The following RNF149 variants were observed in gnomAD, a reference collection of about 807,000 sequenced individuals.
RNF149 encodes E3 ubiquitin-protein ligase RNF149.
A neutral mutation model predicts 39.0 loss-of-function variants in RNF149; 21 were observed. The observed-to-expected ratio is 0.54, with a 90% confidence interval of 0.38 to 0.77. The LOEUF (loss-of-function observed/expected upper bound fraction) is 0.77, where lower values mean the gene tolerates loss of function less well. Ranked by LOEUF, RNF149 falls within the 30% of genes least tolerant of loss-of-function variation. The pLI is 0.00. For missense variants in RNF149, 493 were observed against 534.9 expected (o/e 0.92, Z 0.77); for synonymous variants, 209 against 213.6 (o/e 0.98, Z 0.19).
At chr2:101,301,528 C>G (rs1307669275) in intron 1 of RNF149, among the ~76,000 whole-genome samples, 1 of 151,984 alleles carries the variant, frequency 6.6e-6, no homozygotes, top group Non-Finnish European at 1.5e-5. Context: ...CCATGTTGCC[C>G]AGGCTAGTCT....
At chr2:101,272,328 A>T (rs1178798964), downstream of RNF149, among the ~76,000 whole-genome samples, 7 of 152,204 alleles carry the variant, frequency 4.6e-5, no homozygotes, top group Admixed American at 2.0e-4. Context: ...TGTTTAAATA[A>T]ATGTAGTGCA....
At chr2:101,286,745 C>T (rs185205762) in intron 4 of RNF149, among the ~76,000 whole-genome samples, 5 of 152,208 alleles carry the variant, frequency 3.3e-5, no homozygotes, top group African/African-American at 1.2e-4. Context: ...AACTTTTCCT[C>T]CTGTGTGATA....
Position 101,308,663 on chromosome 2 carries a change from CG to C in RNF149, c.-76del. 2 of 1,308,678 alleles carry C rather than the reference CG, an allele frequency of 1.5e-6. No individual in the cohort carries two copies. Among genetic ancestry groups the C allele is most frequent in the Non-Finnish European group, 2.0e-6 (2 of 997,796 alleles). The allele number at this position is 1,308,678 out of a possible 1,614,324, so 81.1% of individuals were successfully genotyped here. ...GGTGCAGTCGAAGAGCAGAGAGAAG[CG>C]GACACCCACCGCCGCCCTGGAAGAC... On this transcript the variant is annotated 5_prime_UTR_variant, in exon 1 of 7. Coordinates refer to ENST00000295317, the MANE Select transcript of RNF149 (RefSeq NM_173647.4).
At chr2:101,273,284 G>T, downstream of RNF149, 1 of 493,768 alleles carries the variant, frequency 2.0e-6, no homozygotes, top group Non-Finnish European at 4.0e-6. Context: ...CCTTCTCCAT[G>T]CCACCCGCGG....
chr2:101,295,846 AAAC>A (rs1428352585), intron 1 of RNF149, among the ~76,000 whole-genome samples: 1 of 152,110 alleles, frequency 6.6e-6, no homozygotes, highest in Non-Finnish European at 1.5e-5. Flanking sequence ...CATTAGTAAT[AAAC>A]AACCAACAAA....
chr2:101,288,230 CTTTTTTTTTTTTT>C (rs554652378), intron 4 of RNF149, among the ~76,000 whole-genome samples: 1 of 60,560 alleles, frequency 1.7e-5, no homozygotes, highest in South Asian at 7.3e-4. Context: ...GAAAGAAAAA[CTTTTTTTTTTTTT>C]TTTTTTTTTT....
chr2:101,307,863 T>G, intron 1 of RNF149: 1 of 985,342 alleles, frequency 1.0e-6, no homozygotes, highest in Non-Finnish European at 1.2e-6. Flanking sequence ...CAAGCCTCCT[T>G]CTGTGGATTT....
intron 1 of RNF149, among the ~76,000 whole-genome samples, chr2:101,305,939 A>G (rs1683641498): frequency 6.6e-6 from 1 of 152,184 alleles, no homozygotes; most frequent in Non-Finnish European, 1.5e-5. Flanking sequence ...TGCAGACTGG[A>G]CACTTCACAC....
At chr2:101,281,744 G>A (rs533074424) in intron 6 of RNF149, 115 bp downstream of exon 6, 13 of 1,294,674 alleles carry the variant, frequency 1.0e-5, no homozygotes, top group Admixed American at 7.4e-5. Context: ...CTTACTCTTC[G>A]ATAGCTCAAA....
intron 3 of RNF149, among the ~76,000 whole-genome samples, chr2:101,289,707 CAAAA>C (rs1248141764): frequency 7.3e-5 from 5 of 68,780 alleles, no homozygotes; most frequent in Admixed American, 1.7e-4. Flanking sequence ...GACTCTGTCT[CAAAA>C]AAAAAAAAAA....
intron 3 of RNF149, among the ~76,000 whole-genome samples, chr2:101,290,009 A>G (rs1330904850): frequency 6.6e-6 from 1 of 151,822 alleles, no homozygotes; most frequent in Non-Finnish European, 1.5e-5. Context: ...GTGAAACCCC[A>G]CCTCTACTAA....
At chr2:101,288,331 G>T (rs1381622252) in intron 4 of RNF149, among the ~76,000 whole-genome samples, 3 of 149,364 alleles carry the variant, frequency 2.0e-5, no homozygotes, top group Non-Finnish European at 4.4e-5. Flanking sequence ...TGTGCCTCCC[G>T]GGTTCAAGTA....
downstream of RNF149, among the ~76,000 whole-genome samples, chr2:101,273,851 TTTC>T (rs1470998832): frequency 3.9e-5 from 6 of 152,166 alleles, no homozygotes; most frequent in African/African-American, 1.4e-4. Context: ...ACTGAACAGT[TTTC>T]TTCTCTTGCT....
rs1044959801 is a variant in RNF149 at position 101,277,048 on chromosome 2, T to C, written c.*190A>G. On this transcript the variant is annotated 3_prime_UTR_variant, in exon 7 of 7. Transcript: ENST00000295317. ...AACACTCTATTTTAGTAGATAAATA[T>C]ATGAGGACTAATCGAAAAGTCTCTT... is the stretch of plus-strand genomic sequence containing the variant. 44 of 1,357,798 alleles carry C rather than the reference T, an allele frequency of 3.2e-5. No homozygotes were observed. The highest frequency in any genetic ancestry group is 7.8e-5 in the South Asian group (5 of 64,346). 84.1% of individuals were successfully genotyped at this position (1,357,798 alleles called of 1,614,324 possible). A position where few individuals can be genotyped will look rare whatever the true frequency, so the allele number is the denominator to read the frequency against.
rs746611579 is a variant in RNF149, at chr2:101,276,351, G to C, written c.*887C>G. ...AGAAGAAACGGTTAAGCAAGGTCAT[G>C]GTATTAAATCTGCTTAAACTCTAAT... is the stretch of plus-strand genomic sequence containing the variant. On this transcript the variant is annotated 3_prime_UTR_variant, in exon 7 of 7. Transcript: ENST00000295317. 62 of 985,738 alleles carry C rather than the reference G, an allele frequency of 6.3e-5. No individual in the cohort carries two copies. The highest frequency in any genetic ancestry group is 6.9e-5 in the Non-Finnish European group (57 of 829,866). 61.1% of individuals were successfully genotyped at this position (985,738 alleles called of 1,614,324 possible).
chr2:101,287,279 A>G (rs1018573661), intron 4 of RNF149, among the ~76,000 whole-genome samples: 4 of 152,144 alleles, frequency 2.6e-5, no homozygotes, highest in African/African-American at 9.7e-5. Context: ...CCAAGATCAC[A>G]CCCCTTGTAC....
At chr2:101,272,781 G>A (rs1682176278), downstream of RNF149, 1 of 383,852 alleles carries the variant, frequency 2.6e-6, no homozygotes, top group African/African-American at 2.1e-5. Flanking sequence ...CAAACTAAGT[G>A]ATCTTACTGG....
chr2:101,295,245 T>A, intron 1 of RNF149, 64 bp from the exon 2 acceptor site: 2 of 1,367,812 alleles, frequency 1.5e-6, no homozygotes, highest in Non-Finnish European at 2.0e-6. Flanking sequence ...AACATTAAAT[T>A]AAATATAAGG....
downstream of RNF149, chr2:101,273,458 C>A: frequency 2.4e-6 from 1 of 414,804 alleles, no homozygotes; most frequent in Admixed American, 3.3e-5. Context: ...TCAGCAAAAA[C>A]TCTTGTAATA....
Sources: allele counts gnomAD v4.1 joint callset (sites outside exome capture counted in the v4.1 genomes callset), GRCh38; gene constraint gnomAD v4.1.1; transcripts MANE v1.5; gene names NCBI Gene and HGNC (gene_info 2026-07-23, HGNC 2026-07-21).